The following COL14A1 variants were observed in gnomAD, a reference collection of about 807,000 sequenced individuals.
COL14A1 encodes collagen alpha-1(XIV) chain.
In COL14A1, 136 loss-of-function variants were observed where a neutral mutation model predicts 230.3. That is an observed-to-expected ratio of 0.59 (90% CI 0.51 to 0.68). The LOEUF (loss-of-function observed/expected upper bound fraction) is 0.68, where lower values mean the gene tolerates loss of function less well. COL14A1 is among the 30% of genes least tolerant of loss of function. The pLI, the probability that COL14A1 is intolerant of heterozygous loss-of-function variation, is 0.00. For missense variants in COL14A1, 1,976 were observed against 2,215.8 expected (o/e 0.89, Z 2.17); for synonymous variants, 792 against 784.1 (o/e 1.01, Z -0.17).
At chr8:120,241,498 G>C (rs2130845795) in intron 19 of COL14A1, among the ~76,000 whole-genome samples, 1 of 152,244 alleles carries the variant, frequency 6.6e-6, no homozygotes, top group African/African-American at 2.4e-5. Context: ...AAAATTAAAA[G>C]CATGAAGCTC....
chr8:120,348,145 A>G (rs978399655), intron 45 of COL14A1, among the ~76,000 whole-genome samples: 12 of 151,000 alleles, frequency 7.9e-5, no homozygotes, highest in African/African-American at 2.9e-4. Flanking sequence ...CCATCAATCA[A>G]TGAGTGGATA....
intron 16 of COL14A1, 42 bp downstream of exon 16, chr8:120,226,808 A>C: frequency 6.3e-7 from 1 of 1,586,648 alleles, no homozygotes; most frequent in Non-Finnish European, 8.6e-7. Context: ...CTGGAGCATT[A>C]GTGAATACCT....
At chr8:120,225,311 A>G (rs879581425) in intron 15 of COL14A1, 97 bp downstream of exon 15, 121 of 1,060,214 alleles carry the variant, frequency 1.1e-4, no homozygotes, top group Non-Finnish European at 1.5e-4. Context: ...GATTTTGAAG[A>G]GATTAAATTT....
intron 1 of COL14A1, among the ~76,000 whole-genome samples, chr8:120,126,260 G>C (rs62526988): frequency 1.6e-3 from 241 of 152,350 alleles, no homozygotes; most frequent in Non-Finnish European, 2.4e-3. Context: ...GAGGCCGCCG[G>C]CAGGTCCAGG....
intron 42 of COL14A1, among the ~76,000 whole-genome samples, chr8:120,337,011 A>G (rs1023939114): frequency 2.0e-5 from 3 of 152,224 alleles, no homozygotes; most frequent in African/African-American, 7.2e-5. Flanking sequence ...CCTTCAGGAT[A>G]GAAATTCTAT....
At chr8:120,357,329 G>GTCT (rs1823023788) in intron 45 of COL14A1, among the ~76,000 whole-genome samples, 1 of 152,116 alleles carries the variant, frequency 6.6e-6, no homozygotes, top group Admixed American at 6.5e-5. Context: ...TGGCAGGAGG[G>GTCT]CTCAGTTCCT....
At chr8:120,227,906 T>C (rs1273576758) in intron 17 of COL14A1, among the ~76,000 whole-genome samples, 2 of 152,184 alleles carry the variant, frequency 1.3e-5, no homozygotes, top group African/African-American at 2.4e-5. Context: ...AGACAGAAAT[T>C]GCAGCCAGAA....
At position 120,257,467 on chromosome 8, in the gene COL14A1, A is replaced by C. The variant is rs181721330; in HGVS notation, c.2869+2111A>C. Among the ~76,000 whole-genome samples, 847 of 152,298 alleles carry C rather than the reference A, an allele frequency of 5.6e-3. 7 individuals are homozygous for C. Among genetic ancestry groups the C allele is most frequent in the African/African-American group, 0.019 (810 of 41,570 alleles). ...ATGGAGGAGTGAGTGTGGGGGTGGC[A>C]GTAGGAAATGTGTTTGGATAGTTTA... On this transcript the variant is annotated intron_variant, in intron 23 of 47. Coordinates refer to ENST00000297848, the MANE Select transcript of COL14A1 (RefSeq NM_021110.4).
chr8:120,199,959 C>T (rs543340570), intron 8 of COL14A1, among the ~76,000 whole-genome samples: 22 of 116,304 alleles, frequency 1.9e-4, no homozygotes, highest in African/African-American at 7.6e-4. Context: ...TACGATCCTG[C>T]AACTACGTAA....
At chr8:120,254,524 A>C (rs1252573918) in intron 22 of COL14A1, among the ~76,000 whole-genome samples, 4 of 152,298 alleles carry the variant, frequency 2.6e-5, no homozygotes, top group Non-Finnish European at 5.9e-5. Context: ...ATTGGTTGAT[A>C]AATACATACT....
chr8:120,320,986 G>A (rs188128295), intron 40 of COL14A1, among the ~76,000 whole-genome samples: 3 of 152,318 alleles, frequency 2.0e-5, no homozygotes, highest in Non-Finnish European at 4.4e-5. Context: ...ATGCCACACA[G>A]CTAGTAAGTG....
chr8:120,253,682 G>A (rs1819047573), intron 22 of COL14A1, among the ~76,000 whole-genome samples: 1 of 152,128 alleles, frequency 6.6e-6, no homozygotes, highest in African/African-American at 2.4e-5. Context: ...CCAGCACTTT[G>A]GGAGGCTGAG....
chr8:120,251,504 C>T (rs774541294), intron 22 of COL14A1, among the ~76,000 whole-genome samples: 110 of 152,134 alleles, frequency 7.2e-4, no homozygotes, highest in Non-Finnish European at 1.1e-3. Context: ...AGGGTTTTCA[C>T]GTTGTCTGCA....
At chr8:120,167,229 G>C (rs1815929550) in intron 4 of COL14A1, among the ~76,000 whole-genome samples, 1 of 152,100 alleles carries the variant, frequency 6.6e-6, no homozygotes, top group Admixed American at 6.6e-5. Flanking sequence ...AAGGGGAGGA[G>C]GATGTGATAA....
At chr8:120,227,184 A>ATT in intron 16 of COL14A1, 36 bp from the exon 17 acceptor site, 1 of 1,600,596 alleles carries the variant, frequency 6.2e-7, no homozygotes. Flanking sequence ...TTTTTTTCAA[A>ATT]TAAGCATAGT....
At chr8:120,253,671 C>G (rs1172665619) in intron 22 of COL14A1, among the ~76,000 whole-genome samples, 1 of 152,154 alleles carries the variant, frequency 6.6e-6, no homozygotes, top group African/African-American at 2.4e-5. Context: ...CGCCTGTAAT[C>G]CCAGCACTTT....
chr8:120,256,018 C>A (rs1410668580), intron 23 of COL14A1, among the ~76,000 whole-genome samples: 3 of 151,998 alleles, frequency 2.0e-5, no homozygotes, highest in Non-Finnish European at 2.9e-5. Context: ...CCGGTTAATC[C>A]TCTTTTCCCA....
At chr8:120,194,716 T>G (rs1816965123) in intron 5 of COL14A1, among the ~76,000 whole-genome samples, 1 of 152,122 alleles carries the variant, frequency 6.6e-6, no homozygotes, top group Non-Finnish European at 1.5e-5. Context: ...CCTATCCACA[T>G]GGTTCCCAAT....
intron 5 of COL14A1, among the ~76,000 whole-genome samples, chr8:120,192,889 A>G (rs991685057): frequency 3.9e-5 from 6 of 152,056 alleles, no homozygotes; most frequent in African/African-American, 1.4e-4. Context: ...CTTGGCTTTT[A>G]GCTCCATCAG....
Sources: allele counts gnomAD v4.1 joint callset (sites outside exome capture counted in the v4.1 genomes callset), GRCh38; gene constraint gnomAD v4.1.1; transcripts MANE v1.5; gene names NCBI Gene and HGNC (gene_info 2026-07-23, HGNC 2026-07-21).